Variants in TNR observed in about 807,000 individuals in gnomAD.
The protein encoded by TNR is tenascin R.
A neutral mutation model predicts 150.4 loss-of-function variants in TNR; 45 were observed. That is an observed-to-expected ratio of 0.30 (90% confidence interval 0.24 to 0.38). The LOEUF is 0.38. TNR is among the 10% of genes least tolerant of loss of function. The probability of loss-of-function intolerance (pLI) is 1.00; values close to 1 mark genes in which losing one functional copy is unlikely to be tolerated. For missense variants in TNR, 1,544 were observed against 1,759.1 expected (o/e 0.88, Z 2.19); for synonymous variants, 687 against 678.4 (o/e 1.01, Z -0.20).
At chr1:175,647,435 C>CAAAA (rs397745737) in intron 1 of TNR, among the ~76,000 whole-genome samples, 1 of 121,654 alleles carries the variant, frequency 8.2e-6, no homozygotes. Flanking sequence ...CTATTCGGTG[C>CAAAA]AAAAAAAAAA....
At chr1:175,663,072 TACAG>T (rs1246870552) in intron 1 of TNR, among the ~76,000 whole-genome samples, 1 of 152,166 alleles carries the variant, frequency 6.6e-6, no homozygotes, top group African/African-American at 2.4e-5. Context: ...CACAAAAAAT[TACAG>T]ATACTGTTAT....
rs1648854754 is a variant in TNR at position 175,316,693 on chromosome 1, G to A, written c.*6664C>T. The stretch of plus-strand genomic sequence containing the variant: ...GATGTTCCCAAAAGAGTGGGGTGGG[G>A]GGTATTGGGTTTATGTTCTGGTTCT... On this transcript the variant is annotated 3_prime_UTR_variant, in exon 23 of 23. Coordinates refer to ENST00000367674, the MANE Select transcript of TNR (RefSeq NM_003285.3). 1.3e-5 allele frequency: 2 copies of A among 151,998 alleles called. No homozygotes were observed. The highest frequency in any genetic ancestry group is 4.8e-5 in the African/African-American group (2 of 41,372). 9.4% of individuals were successfully genotyped at this position (151,998 alleles called of 1,614,324 possible).
At chr1:175,566,429 G>A (rs1351052694) in intron 1 of TNR, among the ~76,000 whole-genome samples, 2 of 152,342 alleles carry the variant, frequency 1.3e-5, no homozygotes, top group East Asian at 1.9e-4. Context: ...CAGAGGCCCC[G>A]CCTTGCAAGA....
chr1:175,454,341 G>A (rs1039196490), intron 2 of TNR, among the ~76,000 whole-genome samples: 5 of 152,268 alleles, frequency 3.3e-5, no homozygotes, highest in Admixed American at 2.0e-4. Context: ...CAAACTCTAC[G>A]CTAAACATAG....
At chr1:175,519,569 G>A (rs768093646) in intron 2 of TNR, among the ~76,000 whole-genome samples, 5 of 152,144 alleles carry the variant, frequency 3.3e-5, no homozygotes, top group East Asian at 1.9e-4. Flanking sequence ...TCTTCATGGA[G>A]AGATGCATCT....
chr1:175,367,110 A>C (rs1179321789), intron 10 of TNR, 98 bp downstream of exon 10: 1 of 1,013,936 alleles, frequency 9.9e-7, no homozygotes, highest in African/African-American at 1.6e-5. Context: ...TCACTGGAAG[A>C]CATTGCTTTC....
At chr1:175,436,661 G>T (rs1183736602) in intron 2 of TNR, among the ~76,000 whole-genome samples, 1 of 152,072 alleles carries the variant, frequency 6.6e-6, no homozygotes, top group Non-Finnish European at 1.5e-5. Flanking sequence ...ACACACATAG[G>T]CTCAAATAAA....
chr1:175,580,432 T>C (rs1558018630), intron 1 of TNR, among the ~76,000 whole-genome samples: 3 of 152,216 alleles, frequency 2.0e-5, no homozygotes, highest in Admixed American at 1.3e-4. Flanking sequence ...AAGGGAGGGC[T>C]GTCATTCAAA....
At chr1:175,503,857 G>A (rs1330054426) in intron 2 of TNR, among the ~76,000 whole-genome samples, 2 of 152,182 alleles carry the variant, frequency 1.3e-5, no homozygotes, top group Non-Finnish European at 1.5e-5. Flanking sequence ...CCTTCCTTTT[G>A]AGGTAATCTG....
intron 21 of TNR, among the ~76,000 whole-genome samples, chr1:175,327,752 C>A (rs77444312): frequency 0.01 from 1,575 of 152,274 alleles, 15 homozygotes; most frequent in African/African-American, 0.021. Flanking sequence ...CAGTCGAATG[C>A]AGCTGCCTTT....
chr1:175,586,911 C>G (rs1280546596), intron 1 of TNR, among the ~76,000 whole-genome samples: 1 of 152,194 alleles, frequency 6.6e-6, no homozygotes, highest in African/African-American at 2.4e-5. Flanking sequence ...CATGTCAGCT[C>G]TTTCCTTAAT....
At chr1:175,610,570 C>A (rs1169966922) in intron 1 of TNR, among the ~76,000 whole-genome samples, 1 of 152,226 alleles carries the variant, frequency 6.6e-6, no homozygotes, top group Non-Finnish European at 1.5e-5. Flanking sequence ...ACACTCTGAT[C>A]TATTAGCCCA....
chr1:175,474,812 T>C (rs1406931044), intron 2 of TNR, among the ~76,000 whole-genome samples: 1 of 152,228 alleles, frequency 6.6e-6, no homozygotes. Flanking sequence ...AGTTTGTATT[T>C]GTTGAATGTT....
intron 3 of TNR, among the ~76,000 whole-genome samples, chr1:175,405,483 T>C (rs1653903082): frequency 6.6e-6 from 1 of 152,162 alleles, no homozygotes; most frequent in Non-Finnish European, 1.5e-5. Flanking sequence ...GGGTTACTAA[T>C]TAGGGGGTGG....
At chr1:175,593,281 G>A (rs1218934653) in intron 1 of TNR, among the ~76,000 whole-genome samples, 2 of 152,182 alleles carry the variant, frequency 1.3e-5, no homozygotes, top group Non-Finnish European at 2.9e-5. Context: ...GCTCAAGCCA[G>A]TCCTACACCC....
rs150822812 is a variant in TNR at position 175,355,775 on chromosome 1, C to T, written c.3119-142G>A. ...ACCCCTGCTCTGGCTTGGAAAGGAG[C>T]ATAAAGGGTGCTCCTGGGTCAGATG... On this transcript the variant is annotated intron_variant, in intron 16 of 22. Transcript: ENST00000367674. 6.2e-5 allele frequency: 71 copies of T among 1,148,540 alleles called. No homozygotes were observed. In the African/African-American group the frequency reaches 8.0e-4, roughly 13 times the overall value. 71.1% of individuals were successfully genotyped at this position (1,148,540 alleles called of 1,614,324 possible).
chr1:175,737,110 A>T (rs1667793716), intron 1 of TNR, among the ~76,000 whole-genome samples: 1 of 152,252 alleles, frequency 6.6e-6, no homozygotes. Flanking sequence ...GTTGAAAACC[A>T]GCCCTGCCAC....
chr1:175,385,988 C>T lies in TNR; in HGVS notation c.1777+44G>A, dbSNP rs766692349. 6 of 1,525,436 alleles carry T rather than the reference C, an allele frequency of 3.9e-6. No homozygotes were observed. In the African/African-American group the frequency reaches 8.3e-5, roughly 21 times the overall value. 94.5% of individuals were successfully genotyped at this position (1,525,436 alleles called of 1,614,324 possible). A position where few individuals can be genotyped will look rare whatever the true frequency, so the allele number is the denominator to read the frequency against. On this transcript the variant is annotated intron_variant, in intron 8 of 22. Transcript: ENST00000367674. ...TGATGACACCACCGGTTGGCTCCAC[C>T]CCTCTTTCCCTCCTTGTGCGTCTCT...
In TNR at chr1:175,650,765, T is replaced by G. The variant is rs78985643; in HGVS notation, c.-165+92461A>C. On this transcript the variant is annotated intron_variant, in intron 1 of 22. Transcript: ENST00000367674. ...TACCCCTCTCCCACCTGATTACTCC[T>G]CCTCCCCGACCTCATTACTCCTCCT... 1.9e-4 allele frequency among the ~76,000 whole-genome samples: 5 copies of G among 26,004 alleles called. No individual in the cohort carries two copies. The East Asian group carries it at 5.7e-3, about 29-fold the overall frequency. 17.1% of individuals were successfully genotyped at this position (26,004 alleles called of 152,430 possible). A position where few individuals can be genotyped will look rare whatever the true frequency, so the allele number is the denominator to read the frequency against.
Sources: allele counts gnomAD v4.1 joint callset (sites outside exome capture counted in the v4.1 genomes callset), GRCh38; gene constraint gnomAD v4.1.1; transcripts MANE v1.5; gene names NCBI Gene and HGNC (gene_info 2026-07-23, HGNC 2026-07-21).